Variants in GPC6 observed in about 807,000 individuals in gnomAD.
The protein encoded by GPC6 is glypican 6.
Under a neutral mutation model 55.2 loss-of-function variants are expected in GPC6, and 14 were observed. That is an observed-to-expected ratio of 0.25 (90% CI 0.17 to 0.40). The LOEUF (loss-of-function observed/expected upper bound fraction) is 0.40, where lower values mean the gene tolerates loss of function less well. GPC6 is among the 10% of genes least tolerant of loss of function. GPC6 has a pLI of 1.00. For synonymous variants in GPC6, 278 were observed against 259.6 expected, an observed-to-expected ratio of 1.07 and a Z score of -0.68; for missense variants, 641 against 708.5, an observed-to-expected ratio of 0.90 and a Z score of 1.08.
intron 1 of GPC6, among the ~76,000 whole-genome samples, chr13:93,527,076 A>G (rs1037341404): frequency 1.3e-5 from 2 of 151,994 alleles, no homozygotes; most frequent in Non-Finnish European, 2.9e-5. Flanking sequence ...CTGTAAAGGA[A>G]TTATTTAGAG....
At chr13:94,368,503 AT>A (rs1879386988) in intron 6 of GPC6, among the ~76,000 whole-genome samples, 3 of 152,208 alleles carry the variant, frequency 2.0e-5, no homozygotes. Context: ...GACATGAAAA[AT>A]GACACCAAAG....
At chr13:94,161,014 C>T (rs774032907) in intron 4 of GPC6, among the ~76,000 whole-genome samples, 1 of 152,128 alleles carries the variant, frequency 6.6e-6, no homozygotes, top group Admixed American at 6.5e-5. Context: ...CCAGTGCCTG[C>T]CCCCACAGAG....
chr13:93,523,075 ATGTG>A (rs1199921927), intron 1 of GPC6, among the ~76,000 whole-genome samples: 4 of 151,328 alleles, frequency 2.6e-5, no homozygotes, highest in Non-Finnish European at 5.9e-5. Context: ...ATATACATAT[ATGTG>A]TGTAACATGG....
At chr13:93,919,825 G>A (rs972156755) in intron 3 of GPC6, among the ~76,000 whole-genome samples, 11 of 152,156 alleles carry the variant, frequency 7.2e-5, no homozygotes, top group African/African-American at 2.7e-4. Flanking sequence ...GGAATAAAAG[G>A]GAAAACAGAA....
At chr13:93,517,507 C>A (rs1248980755) in intron 1 of GPC6, among the ~76,000 whole-genome samples, 1 of 152,010 alleles carries the variant, frequency 6.6e-6, no homozygotes, top group African/African-American at 2.4e-5. Context: ...AAATTAGATT[C>A]TTTTTCCATT....
chr13:93,409,022 T>G (rs1165458383), intron 1 of GPC6, among the ~76,000 whole-genome samples: 1 of 152,108 alleles, frequency 6.6e-6, no homozygotes, highest in Non-Finnish European at 1.5e-5. Context: ...ACATTGTCAC[T>G]TATAATTGAA....
At chr13:93,758,291 G>T (rs1310588258) in intron 2 of GPC6, among the ~76,000 whole-genome samples, 1 of 152,180 alleles carries the variant, frequency 6.6e-6, no homozygotes, top group East Asian at 1.9e-4. Flanking sequence ...GGGAGAGGAA[G>T]TTAGAAAAGT....
At chr13:94,188,465 A>G (rs1456676822) in intron 4 of GPC6, among the ~76,000 whole-genome samples, 1 of 152,244 alleles carries the variant, frequency 6.6e-6, no homozygotes, top group Non-Finnish European at 1.5e-5. Flanking sequence ...CAATTAGCCC[A>G]GCATGCCTCA....
chr13:93,599,992 A>G (rs1877941577), intron 2 of GPC6, among the ~76,000 whole-genome samples: 1 of 152,304 alleles, frequency 6.6e-6, no homozygotes, highest in Non-Finnish European at 1.5e-5. Context: ...GGAAGAAACC[A>G]CCTTAACACT....
intron 4 of GPC6, among the ~76,000 whole-genome samples, chr13:94,105,197 ATAAATT>A (rs1886008803): frequency 6.6e-6 from 1 of 152,176 alleles, no homozygotes; most frequent in Admixed American, 6.5e-5. Flanking sequence ...TCTACAAAAA[ATAAATT>A]TAAAAATTAT....
intron 1 of GPC6, among the ~76,000 whole-genome samples, chr13:93,236,376 C>T (rs535242606): frequency 5.9e-5 from 9 of 152,154 alleles, no homozygotes; most frequent in African/African-American, 2.2e-4. Context: ...TCATCCCTCA[C>T]CCTCTTCCCA....
chr13:93,344,735 T>C (rs1371357720), intron 1 of GPC6, among the ~76,000 whole-genome samples: 7 of 152,224 alleles, frequency 4.6e-5, no homozygotes, highest in African/African-American at 7.2e-5. Context: ...CTCTTCTGGT[T>C]ACCACCAGGG....
chr13:93,365,558 A>G (rs1881216042), intron 1 of GPC6, among the ~76,000 whole-genome samples: 1 of 152,072 alleles, frequency 6.6e-6, no homozygotes, highest in African/African-American at 2.4e-5. Context: ...CTTGATTCCC[A>G]ACAATGAAAC....
At chr13:93,649,742 A>C (rs1251711887) in intron 2 of GPC6, among the ~76,000 whole-genome samples, 1 of 152,206 alleles carries the variant, frequency 6.6e-6, no homozygotes, top group South Asian at 2.1e-4. Context: ...TAAAGTCAGC[A>C]GTCTGCTTCA....
intron 1 of GPC6, among the ~76,000 whole-genome samples, chr13:93,507,290 C>T (rs1008174847): frequency 1.3e-5 from 2 of 152,046 alleles, no homozygotes; most frequent in African/African-American, 4.8e-5. Flanking sequence ...TAGAGCCCAC[C>T]TTCTCTCTCC....
chr13:94,070,283 A>G, intron 4 of GPC6, among the ~76,000 whole-genome samples: 1 of 152,158 alleles, frequency 6.6e-6, no homozygotes, highest in African/African-American at 2.4e-5. Context: ...CACCTCCATG[A>G]CTGAATTACC....
At chr13:93,777,173 T>C (rs991698239) in intron 2 of GPC6, among the ~76,000 whole-genome samples, 1 of 152,182 alleles carries the variant, frequency 6.6e-6, no homozygotes, top group African/African-American at 2.4e-5. Context: ...TAGCCATAGG[T>C]AAAAGGATCT....
At chr13:94,277,397 G>T (rs1329599448) in intron 4 of GPC6, among the ~76,000 whole-genome samples, 3 of 152,000 alleles carry the variant, frequency 2.0e-5, no homozygotes, top group African/African-American at 7.2e-5. Context: ...TCACTCTGAT[G>T]ATAGTTTCTT....
At chr13:93,735,620 G>A (rs533695515) in intron 2 of GPC6, among the ~76,000 whole-genome samples, 1 of 152,058 alleles carries the variant, frequency 6.6e-6, no homozygotes, top group Non-Finnish European at 1.5e-5. Flanking sequence ...GGTTAGTCAT[G>A]AAACTGATTC....
Sources: allele counts gnomAD v4.1 joint callset (sites outside exome capture counted in the v4.1 genomes callset), GRCh38; gene constraint gnomAD v4.1.1; transcripts MANE v1.5; gene names NCBI Gene and HGNC (gene_info 2026-07-23, HGNC 2026-07-21).